LOC728392: variants seen among roughly 807,000 people sequenced by gnomAD.
At chr17:5,500,697 TAGC>T in the LOC728392 span, 2 of 1,267,148 alleles carry the variant, frequency 1.6e-6, no homozygotes, top group Non-Finnish European at 2.1e-6. This position sits in a 1 kb window ranked among gnomAD's most constrained non-coding sequence, Gnocchi z 5.4. Flanking sequence ...ATGGTCGAGA[TAGC>T]AGCCCTCGTC....
chr17:5,500,970 G>A, the LOC728392 span: 1 of 1,240,258 alleles, frequency 8.1e-7, no homozygotes, highest in Non-Finnish European at 1.0e-6. The surrounding 1 kb of genome is among the most constrained non-coding windows in gnomAD (Gnocchi z 5.4). Flanking sequence ...CAGGATCGCG[G>A]GTAGGTGGGT....
chr17:5,500,361 C>T, the LOC728392 span: 1 of 1,049,778 alleles, frequency 9.5e-7, no homozygotes, highest in South Asian at 2.8e-5. This position sits in a 1 kb window ranked among gnomAD's most constrained non-coding sequence, Gnocchi z 5.4. Context: ...CCCCAAAATT[C>T]TAAACGCCTC....
chr17:5,500,777 C>A, the LOC728392 span: 1 of 1,180,712 alleles, frequency 8.5e-7, no homozygotes, highest in Non-Finnish European at 1.1e-6. The surrounding 1 kb of genome is among the most constrained non-coding windows in gnomAD (Gnocchi z 5.4). Context: ...CGGCGCGGCC[C>A]CCCTGCGCCC....
the LOC728392 span, chr17:5,500,981 C>T: frequency 2.4e-6 from 3 of 1,231,556 alleles, no homozygotes; most frequent in Non-Finnish European, 2.1e-6. The surrounding 1 kb of genome is among the most constrained non-coding windows in gnomAD (Gnocchi z 5.4). Context: ...GTAGGTGGGT[C>T]AGCCGGGTCT....
chr17:5,500,880 A>C, the LOC728392 span: 1 of 1,253,812 alleles, frequency 8.0e-7, no homozygotes, highest in South Asian at 1.3e-5. This position sits in a 1 kb window ranked among gnomAD's most constrained non-coding sequence, Gnocchi z 5.4. Context: ...AGGCTTGTCA[A>C]ACAGGCCTTC....
the LOC728392 span, chr17:5,500,411 T>C: frequency 1.9e-5 from 21 of 1,104,414 alleles, no homozygotes; most frequent in Non-Finnish European, 2.3e-5. This position sits in a 1 kb window ranked among gnomAD's most constrained non-coding sequence, Gnocchi z 5.4. Flanking sequence ...CCCTATTTCA[T>C]TGCCGGCAGC....
chr17:5,500,443 TAGAC>T, the LOC728392 span: 6 of 1,138,684 alleles, frequency 5.3e-6, no homozygotes, highest in South Asian at 1.1e-4. This position sits in a 1 kb window ranked among gnomAD's most constrained non-coding sequence, Gnocchi z 5.4. Flanking sequence ...TTCGTACTGA[TAGAC>T]AAAGATAGTG....
At chr17:5,500,604 A>G in the LOC728392 span, 1 of 1,252,944 alleles carries the variant, frequency 8.0e-7, no homozygotes, top group Non-Finnish European at 1.0e-6. This position sits in a 1 kb window ranked among gnomAD's most constrained non-coding sequence, Gnocchi z 5.4. Context: ...CACTCAGGCA[A>G]GCTGTAAATG....
chr17:5,500,737 G>A, the LOC728392 span: 12 of 1,239,214 alleles, frequency 9.7e-6, no homozygotes, highest in Non-Finnish European at 1.2e-5. This position sits in a 1 kb window ranked among gnomAD's most constrained non-coding sequence, Gnocchi z 5.4. Flanking sequence ...TTCTTGGGCG[G>A]GGGGCGCGAT....
chr17:5,500,448 A>T, the LOC728392 span: 1 of 1,146,544 alleles, frequency 8.7e-7, no homozygotes, highest in Non-Finnish European at 1.1e-6. The surrounding 1 kb of genome is among the most constrained non-coding windows in gnomAD (Gnocchi z 5.4). Flanking sequence ...ACTGATAGAC[A>T]AAGATAGTGA....
the LOC728392 span, chr17:5,500,061 G>T: frequency 8.1e-6 from 8 of 986,176 alleles, no homozygotes; most frequent in Non-Finnish European, 9.6e-6. This position sits in a 1 kb window ranked among gnomAD's most constrained non-coding sequence, Gnocchi z 5.4. Context: ...CGCCTGCTGC[G>T]CGCTCTTGTC....
chr17:5,500,507 C>A, the LOC728392 span: 1 of 1,187,286 alleles, frequency 8.4e-7, no homozygotes, highest in Non-Finnish European at 1.1e-6. This position sits in a 1 kb window ranked among gnomAD's most constrained non-coding sequence, Gnocchi z 5.4. Context: ...GAAGGGGGTG[C>A]AGCGCTGTTC....
chr17:5,500,137 G>A, the LOC728392 span: 15 of 986,958 alleles, frequency 1.5e-5, no homozygotes, highest in Non-Finnish European at 1.8e-5. The surrounding 1 kb of genome is among the most constrained non-coding windows in gnomAD (Gnocchi z 5.4). Flanking sequence ...GCATCACAGG[G>A]CTCCGGCCCA....
At chr17:5,499,951 C>CT in the LOC728392 span, 1 of 986,044 alleles carries the variant, frequency 1.0e-6, no homozygotes. Flanking sequence ...ACAACAAAGT[C>CT]TAAGGCAGGA....
the LOC728392 span, chr17:5,499,862 G>A: frequency 1.0e-6 from 1 of 985,874 alleles, no homozygotes; most frequent in Non-Finnish European, 1.2e-6. Flanking sequence ...CAGGTCCCGC[G>A]AGTCCCGGAC....
chr17:5,500,553 C>G, the LOC728392 span: 1 of 1,210,190 alleles, frequency 8.3e-7, no homozygotes, highest in Non-Finnish European at 1.0e-6. This position sits in a 1 kb window ranked among gnomAD's most constrained non-coding sequence, Gnocchi z 5.4. Flanking sequence ...TTTCCCTTTC[C>G]CTCCCCGCTC....
the LOC728392 span, chr17:5,499,645 G>T: frequency 2.0e-6 from 1 of 493,196 alleles, no homozygotes; most frequent in Non-Finnish European, 2.6e-6. Flanking sequence ...GGATCAGGTG[G>T]TTTTCCCGCA....
At chr17:5,500,976 TG>T in the LOC728392 span, 1 of 1,233,016 alleles carries the variant, frequency 8.1e-7, no homozygotes. The surrounding 1 kb of genome is among the most constrained non-coding windows in gnomAD (Gnocchi z 5.4). Flanking sequence ...CGCGGGTAGG[TG>T]GGTCAGCCGG....
chr17:5,500,030 C>A, the LOC728392 span: 1 of 986,188 alleles, frequency 1.0e-6, no homozygotes, highest in Non-Finnish European at 1.2e-6. This position sits in a 1 kb window ranked among gnomAD's most constrained non-coding sequence, Gnocchi z 5.4. Context: ...ACGCCACTTA[C>A]CGAGTCCCGC....
Sources: gnomAD v4.1 joint callset for allele counts on GRCh38, gnomAD v4.1.1 for gene constraint, Gnocchi (gnomAD v3.1) non-coding constraint, MANE v1.5 for transcripts.